The following FBXL7 variants were observed in gnomAD, a reference collection of about 807,000 sequenced individuals.
FBXL7 encodes F-box/LRR-repeat protein 7.
FBXL7 carries 12 observed loss-of-function variants against 38.3 expected under a neutral mutation model. That is an observed-to-expected ratio of 0.31 (90% CI 0.20 to 0.51). The LOEUF (loss-of-function observed/expected upper bound fraction) is 0.51. FBXL7 is among the 20% of genes least tolerant of loss of function. FBXL7 has a pLI of 0.98. For synonymous variants in FBXL7, 297 were observed against 300.9 expected, an observed-to-expected ratio of 0.99 and a Z score of 0.13; for missense variants, 567 against 676.4, an observed-to-expected ratio of 0.84 and a Z score of 1.79.
At chr5:15,559,575 A>G (rs1738351408) in intron 1 of FBXL7, among the ~76,000 whole-genome samples, 1 of 152,340 alleles carries the variant, frequency 6.6e-6, no homozygotes, top group South Asian at 2.1e-4. Context: ...CATTTTCACT[A>G]TTCTGTGGAC....
intron 2 of FBXL7, among the ~76,000 whole-genome samples, chr5:15,764,632 G>C (rs1172025998): frequency 6.6e-6 from 1 of 152,204 alleles, no homozygotes; most frequent in African/African-American, 2.4e-5. Flanking sequence ...TCAAATCCCA[G>C]CTTTTTCACT....
At chr5:15,568,173 C>G (rs1233997691) in intron 1 of FBXL7, among the ~76,000 whole-genome samples, 3 of 152,080 alleles carry the variant, frequency 2.0e-5, no homozygotes, top group Non-Finnish European at 4.4e-5. Context: ...AATCGCCACA[C>G]TGACTTCCAC....
intron 2 of FBXL7, among the ~76,000 whole-genome samples, chr5:15,679,504 G>A (rs1742773667): frequency 6.7e-6 from 1 of 148,300 alleles, no homozygotes; most frequent in Non-Finnish European, 1.5e-5. Flanking sequence ...CTGAGAGACT[G>A]TCTCTACATT....
At chr5:15,569,513 A>G (rs1290206214) in intron 1 of FBXL7, among the ~76,000 whole-genome samples, 1 of 151,388 alleles carries the variant, frequency 6.6e-6, no homozygotes, top group Non-Finnish European at 1.5e-5. Context: ...GGTTTTCTAG[A>G]TATACAATCA....
chr5:15,804,176 A>G (rs967287538), intron 2 of FBXL7, among the ~76,000 whole-genome samples: 1 of 152,114 alleles, frequency 6.6e-6, no homozygotes, highest in African/African-American at 2.4e-5. Context: ...ACTTCTCCAC[A>G]TTTAAAATAA....
intron 2 of FBXL7, among the ~76,000 whole-genome samples, chr5:15,720,566 A>G (rs1579405927): frequency 6.7e-6 from 1 of 148,550 alleles, no homozygotes; most frequent in East Asian, 1.9e-4. Flanking sequence ...ATTGTATCTA[A>G]TTTTGCATTT....
chr5:15,565,019 CATTT>C (rs1738526383), intron 1 of FBXL7, among the ~76,000 whole-genome samples: 2 of 151,872 alleles, frequency 1.3e-5, no homozygotes, highest in Non-Finnish European at 1.5e-5. Flanking sequence ...TAAAACCAAA[CATTT>C]ATAGGTGTTT....
chr5:15,596,780 G>C (rs374428475), intron 1 of FBXL7, among the ~76,000 whole-genome samples: 23 of 152,262 alleles, frequency 1.5e-4, no homozygotes, highest in African/African-American at 5.3e-4. Flanking sequence ...CAAAAGGACA[G>C]GGCTAGGAGA....
At chr5:15,830,313 A>G (rs1282471969) in intron 2 of FBXL7, among the ~76,000 whole-genome samples, 2 of 151,968 alleles carry the variant, frequency 1.3e-5, no homozygotes, top group Non-Finnish European at 2.9e-5. Context: ...GTAAAACCCC[A>G]TCTCTACTAA....
At chr5:15,613,884 T>G (rs1740344973) in intron 1 of FBXL7, among the ~76,000 whole-genome samples, 2 of 152,138 alleles carry the variant, frequency 1.3e-5, no homozygotes, top group African/African-American at 4.8e-5. Flanking sequence ...AAGATCAAGG[T>G]GCCAGCAGAT....
chr5:15,665,060 G>A (rs1226847865), intron 2 of FBXL7, among the ~76,000 whole-genome samples: 1 of 151,834 alleles, frequency 6.6e-6, no homozygotes, highest in Non-Finnish European at 1.5e-5. Context: ...TTTTTCTTCA[G>A]TATGTTGAGG....
At chr5:15,560,613 CAT>C (rs1738382546) in intron 1 of FBXL7, among the ~76,000 whole-genome samples, 1 of 152,178 alleles carries the variant, frequency 6.6e-6, no homozygotes, top group African/African-American at 2.4e-5. Context: ...GTTTATTACA[CAT>C]GTCAGGTATG....
chr5:15,753,131 CG>C (rs1413169145), intron 2 of FBXL7, among the ~76,000 whole-genome samples: 1 of 151,980 alleles, frequency 6.6e-6, no homozygotes, highest in Non-Finnish European at 1.5e-5. Context: ...AGGGAGCAGG[CG>C]GGGGCTGGAC....
chr5:15,549,973 A>C (rs1479221414), intron 1 of FBXL7, among the ~76,000 whole-genome samples: 1 of 152,214 alleles, frequency 6.6e-6, no homozygotes, highest in East Asian at 1.9e-4. Flanking sequence ...GTACTGCTGC[A>C]TGCAAGGTAC....
intron 2 of FBXL7, among the ~76,000 whole-genome samples, chr5:15,704,816 C>T (rs757171552): frequency 3.3e-5 from 5 of 152,182 alleles, no homozygotes; most frequent in Non-Finnish European, 5.9e-5. Context: ...TGAAGGGCAG[C>T]ACTTGGGTTT....
chr5:15,551,270 A>G (rs1024784547), intron 1 of FBXL7, among the ~76,000 whole-genome samples: 1 of 152,338 alleles, frequency 6.6e-6, no homozygotes, highest in African/African-American at 2.4e-5. Context: ...GACCCGGAGC[A>G]TCTACGTTGC....
At chr5:15,932,004 G>A (rs547679017) in intron 3 of FBXL7, among the ~76,000 whole-genome samples, 1 of 152,274 alleles carries the variant, frequency 6.6e-6, no homozygotes, top group South Asian at 2.1e-4. Flanking sequence ...GATGAGCTTT[G>A]AGCTTTATAA....
chr5:15,705,833 T>C (rs1036289389), intron 2 of FBXL7, among the ~76,000 whole-genome samples: 1 of 152,094 alleles, frequency 6.6e-6, no homozygotes, highest in African/African-American at 2.4e-5. Context: ...GATAATCTTG[T>C]TTTTTTAAAC....
At chr5:15,881,467 G>C (rs560907669) in intron 2 of FBXL7, among the ~76,000 whole-genome samples, 30 of 152,272 alleles carry the variant, frequency 2.0e-4, no homozygotes, top group African/African-American at 7.2e-4. Flanking sequence ...TGCAATTGCA[G>C]ATTATGCTGC....
Sources: allele counts gnomAD v4.1 joint callset (sites outside exome capture counted in the v4.1 genomes callset), GRCh38; gene constraint gnomAD v4.1.1; transcripts MANE v1.5; gene names NCBI Gene and HGNC (gene_info 2026-07-23, HGNC 2026-07-21).